Variants in SNTG1 observed in about 807,000 individuals in gnomAD.
The protein encoded by SNTG1 is syntrophin gamma 1.
Under a neutral mutation model 74.7 loss-of-function variants are expected in SNTG1, and 39 were observed. The ratio of observed to expected loss-of-function variants is 0.52; its 90% CI spans 0.40 to 0.68. The LOEUF is 0.68. Ranked by LOEUF, SNTG1 falls within the 30% of genes least tolerant of loss-of-function variation. SNTG1 has a pLI of 0.00. For synonymous variants in SNTG1, 254 were observed against 217.1 expected, an observed-to-expected ratio of 1.17 and a Z score of -1.49; for missense variants, 685 against 609.5, an observed-to-expected ratio of 1.12 and a Z score of -1.30.
intron 12 of SNTG1, among the ~76,000 whole-genome samples, chr8:50,566,777 C>A (rs911004812): frequency 6.6e-6 from 1 of 151,852 alleles, no homozygotes; most frequent in Admixed American, 6.6e-5. Context: ...TTGATGTTAT[C>A]AAACTTGGGA....
intron 1 of SNTG1, among the ~76,000 whole-genome samples, chr8:50,056,414 C>A (rs960902916): frequency 1.3e-5 from 2 of 152,056 alleles, no homozygotes; most frequent in Non-Finnish European, 2.9e-5. Flanking sequence ...GGAAACATTT[C>A]TTTTATTTTT....
intron 8 of SNTG1, among the ~76,000 whole-genome samples, chr8:50,494,973 T>C (rs1437957261): frequency 6.6e-6 from 1 of 152,130 alleles, no homozygotes; most frequent in Non-Finnish European, 1.5e-5. Context: ...TTGTTATTTT[T>C]ATTAGAGCTG....
chr8:50,754,401 C>T (rs994041953), intron 18 of SNTG1, among the ~76,000 whole-genome samples: 1 of 151,870 alleles, frequency 6.6e-6, no homozygotes, highest in South Asian at 2.1e-4. Context: ...TCATCATAGT[C>T]TTCATTTACA....
At chr8:50,165,110 G>A (rs944683951) in intron 1 of SNTG1, among the ~76,000 whole-genome samples, 1 of 152,118 alleles carries the variant, frequency 6.6e-6, no homozygotes, top group African/African-American at 2.4e-5. Context: ...ATTTTGGATA[G>A]AACAGTGTTG....
intron 2 of SNTG1, among the ~76,000 whole-genome samples, chr8:50,262,993 T>C (rs1396794920): frequency 2.0e-5 from 3 of 152,156 alleles, no homozygotes; most frequent in Non-Finnish European, 4.4e-5. Context: ...AAATACTCTG[T>C]TTAATATTAA....
At chr8:50,640,759 C>T (rs1195613228) in intron 13 of SNTG1, among the ~76,000 whole-genome samples, 1 of 152,130 alleles carries the variant, frequency 6.6e-6, no homozygotes, top group Non-Finnish European at 1.5e-5. Context: ...GTCTCCTTAA[C>T]ACATTCTCAT....
At position 50,217,892 on chromosome 8, in the gene SNTG1, C is replaced by T. The variant is rs1312756983; in HGVS notation, c.-28+45257C>T. On this transcript the variant is annotated intron_variant, in intron 2 of 18. Coordinates refer to ENST00000642720, the MANE Select transcript of SNTG1 (RefSeq NM_018967.5). ...GGAAAGACTGTAGACTGCATTCATT[C>T]TGAGCCATGTAAAAGAAGAAGGCAT... Among the ~76,000 whole-genome samples the T allele has an allele frequency of 3.9e-5, 6 of 152,238 alleles. No individual in the cohort carries two copies. The East Asian group carries it at 1.2e-3, about 30-fold the overall frequency.
intron 12 of SNTG1, among the ~76,000 whole-genome samples, chr8:50,587,481 T>C (rs2094657930): frequency 6.6e-6 from 1 of 152,178 alleles, no homozygotes; most frequent in Non-Finnish European, 1.5e-5. Flanking sequence ...ATTTTTCCAC[T>C]TACTTTATAC....
chr8:49,923,899 T>C (rs1308592028), intron 1 of SNTG1, among the ~76,000 whole-genome samples: 2 of 152,192 alleles, frequency 1.3e-5, no homozygotes, highest in Non-Finnish European at 2.9e-5. Context: ...TTTAATAAAG[T>C]ATGTTATAAA....
intron 18 of SNTG1, among the ~76,000 whole-genome samples, chr8:50,777,307 A>G (rs1481186841): frequency 1.3e-5 from 2 of 148,456 alleles, no homozygotes; most frequent in African/African-American, 2.4e-5. Flanking sequence ...CCTTTTTTCA[A>G]TCTTTCTTAC....
chr8:50,774,618 C>A (rs2095635344), intron 18 of SNTG1, among the ~76,000 whole-genome samples: 1 of 151,682 alleles, frequency 6.6e-6, no homozygotes, highest in Admixed American at 6.6e-5. Flanking sequence ...AACTTGAATA[C>A]ACACTTAGAA....
At chr8:49,926,619 A>C (rs1475086117) in intron 1 of SNTG1, among the ~76,000 whole-genome samples, 1 of 152,186 alleles carries the variant, frequency 6.6e-6, no homozygotes, top group Non-Finnish European at 1.5e-5. Flanking sequence ...CAAATGTAAA[A>C]TTCAAAACCA....
chr8:50,315,689 G>A (rs1011651974), intron 2 of SNTG1, among the ~76,000 whole-genome samples: 2 of 138,368 alleles, frequency 1.4e-5, no homozygotes, highest in Non-Finnish European at 3.0e-5. Context: ...TCTTTCTCTT[G>A]GACACTTATA....
chr8:50,129,490 A>G (rs1433928257), intron 1 of SNTG1, among the ~76,000 whole-genome samples: 1 of 152,102 alleles, frequency 6.6e-6, no homozygotes, highest in Non-Finnish European at 1.5e-5. Flanking sequence ...TGAAAACTTG[A>G]TTCTCACTGT....
At chr8:50,489,395 G>A (rs1372640227) in intron 8 of SNTG1, among the ~76,000 whole-genome samples, 4 of 152,190 alleles carry the variant, frequency 2.6e-5, no homozygotes, top group African/African-American at 9.7e-5. Flanking sequence ...CCCACCAACA[G>A]TGTAAAAGTG....
chr8:50,229,130 T>C (rs1029509167), intron 2 of SNTG1, among the ~76,000 whole-genome samples: 13 of 151,486 alleles, frequency 8.6e-5, no homozygotes, highest in African/African-American at 3.1e-4. Flanking sequence ...TCTAAAAATG[T>C]ATGGTGGATA....
At chr8:49,910,663 G>A (rs567272132), upstream of SNTG1, among the ~76,000 whole-genome samples, 1 of 152,256 alleles carries the variant, frequency 6.6e-6, no homozygotes, top group African/African-American at 2.4e-5. Flanking sequence ...CCAAGAGCGG[G>A]AGTGAAGAGC....
chr8:50,559,993 T>G (rs913030878), intron 12 of SNTG1, among the ~76,000 whole-genome samples: 4 of 152,120 alleles, frequency 2.6e-5, no homozygotes, highest in Non-Finnish European at 4.4e-5. Flanking sequence ...AGGCCTAATA[T>G]CTGGCGTCTA....
At position 50,016,907 on chromosome 8, in the gene SNTG1, G is replaced by A. The variant is rs544390601; in HGVS notation, c.-103+104676G>A. ...TAATAAGACTAACAACTGACTTCACGTCAGAAACCAAGGAAGCTGGAAAGC... is the reference window on the plus strand; with the variant it reads ...TAATAAGACTAACAACTGACTTCACATCAGAAACCAAGGAAGCTGGAAAGC... On this transcript the variant is annotated intron_variant, in intron 1 of 18. Transcript: ENST00000642720. 1.3e-4 allele frequency among the ~76,000 whole-genome samples: 20 copies of A among 152,104 alleles called. 1 individual carries two copies. Among genetic ancestry groups the A allele is most frequent in the African/African-American group, 4.1e-4 (17 of 41,504 alleles).
Sources: gnomAD v4.1 joint callset for allele counts (sites outside exome capture counted in the v4.1 genomes callset) on GRCh38, gnomAD v4.1.1 for gene constraint, MANE v1.5 for transcripts, NCBI Gene and HGNC (gene_info 2026-07-23, HGNC 2026-07-21) for gene names.